Variants in PLCB1 observed in about 807,000 individuals in gnomAD.
PLCB1 encodes phospholipase C beta 1.
Under a neutral mutation model 161.8 loss-of-function variants are expected in PLCB1, and 46 were observed. The ratio of observed to expected loss-of-function variants is 0.28; its 90% CI spans 0.22 to 0.36. The LOEUF is 0.36. Ranked by LOEUF, PLCB1 falls within the 10% of genes least tolerant of loss-of-function variation. The probability of loss-of-function intolerance (pLI) is 1.00; values close to 1 mark genes in which losing one functional copy is unlikely to be tolerated. For synonymous variants in PLCB1, 517 were observed against 503.7 expected, an observed-to-expected ratio of 1.03 and a Z score of -0.35; for missense variants, 1,016 against 1,472.5, an observed-to-expected ratio of 0.69 and a Z score of 5.07.
intron 2 of PLCB1, among the ~76,000 whole-genome samples, chr20:8,343,495 C>G (rs1441439710): frequency 1.3e-5 from 2 of 152,100 alleles, no homozygotes; most frequent in Non-Finnish European, 2.9e-5. Flanking sequence ...TTGTAGTAGC[C>G]CGTGACTTCT....
intron 3 of PLCB1, among the ~76,000 whole-genome samples, chr20:8,513,332 A>G (rs770986848): frequency 1.3e-5 from 2 of 152,342 alleles, no homozygotes; most frequent in East Asian, 3.9e-4. Flanking sequence ...TACATGTGTT[A>G]TGCAGTAATG....
At chr20:8,628,264 G>C in intron 3 of PLCB1, 30 bp from the exon 4 acceptor site, 1 of 1,559,802 alleles carries the variant, frequency 6.4e-7, no homozygotes, top group Non-Finnish European at 8.8e-7. Context: ...TCTAGTTATA[G>C]ACTAATTATT....
At chr20:8,805,985 G>C (rs1984519505) in intron 31 of PLCB1, among the ~76,000 whole-genome samples, 1 of 152,098 alleles carries the variant, frequency 6.6e-6, no homozygotes, top group Non-Finnish European at 1.5e-5. Context: ...TGTTTCATTT[G>C]CTGGTGGCAT....
At position 8,424,107 on chromosome 20, in the gene PLCB1, G is replaced by A. The variant is rs78941262; in HGVS notation, c.246+52657G>A. 2.6e-3 allele frequency among the ~76,000 whole-genome samples: 399 copies of A among 152,160 alleles called. 2 individuals are homozygous for A. The highest frequency in any genetic ancestry group is 9.1e-3 in the African/African-American group (378 of 41,500). On this transcript the variant is annotated intron_variant, in intron 3 of 31. Transcript: ENST00000338037. The stretch of plus-strand genomic sequence containing the variant: ...CTTATTGGCCTTGGTAGGCCTACAG[G>A]TTATTCTCAAAAACCTGACACACAC...
At chr20:8,332,573 C>T (rs934175929) in intron 2 of PLCB1, among the ~76,000 whole-genome samples, 2 of 152,050 alleles carry the variant, frequency 1.3e-5, no homozygotes, top group African/African-American at 4.8e-5. Flanking sequence ...TATGATTATC[C>T]CTAGATGAGA....
intron 3 of PLCB1, among the ~76,000 whole-genome samples, chr20:8,559,212 A>G (rs1986062333): frequency 6.6e-6 from 1 of 151,978 alleles, no homozygotes; most frequent in African/African-American, 2.4e-5. Context: ...TATGGAGAAT[A>G]TAAGAGCAAA....
chr20:8,209,870 CT>C (rs1307265524), intron 2 of PLCB1, among the ~76,000 whole-genome samples: 1 of 152,128 alleles, frequency 6.6e-6, no homozygotes, highest in East Asian at 1.9e-4. Context: ...ATTTTACTCA[CT>C]CTGTTACCCA....
At chr20:8,426,929 T>C (rs754044816) in intron 3 of PLCB1, among the ~76,000 whole-genome samples, 3 of 152,176 alleles carry the variant, frequency 2.0e-5, no homozygotes, top group Non-Finnish European at 4.4e-5. Flanking sequence ...ATTATTATTA[T>C]TACTTTGAGA....
chr20:8,580,651 G>C (rs989070956), intron 3 of PLCB1, among the ~76,000 whole-genome samples: 1 of 152,202 alleles, frequency 6.6e-6, no homozygotes, highest in Non-Finnish European at 1.5e-5. Context: ...CACAACTACT[G>C]GGTGCTAGGC....
Position 8,676,113 on chromosome 20 carries a change from C to T in PLCB1, c.863-8819C>T, listed in dbSNP as rs190229598. 6.0e-3 allele frequency among the ~76,000 whole-genome samples: 911 copies of T among 152,346 alleles called. 6 individuals carry two copies. The highest frequency in any genetic ancestry group is 9.8e-3 in the Non-Finnish European group (664 of 68,038). On this transcript the variant is annotated intron_variant, in intron 9 of 31. Coordinates refer to ENST00000338037, the MANE Select transcript of PLCB1 (RefSeq NM_015192.4). ...GGCCGGGCGCGGCGGCTCCCGCCTG[C>T]GATGCCAACACTTTGGGAGGCTTAA... is the stretch of plus-strand genomic sequence containing the variant.
rs959473626 is a variant in PLCB1, at chr20:8,500,134, A to C, written c.247-128160A>C. Among the ~76,000 whole-genome samples the C allele has an allele frequency of 5.3e-5, 8 of 152,222 alleles. No homozygotes were observed. The East Asian group carries it at 1.5e-3, about 29-fold the overall frequency. ...CCAGTATTTTAGTGATTTGTTTAGCAGATTATTAATTTAGGTAAAGGTCAT... is the reference window on the plus strand; with the variant it reads ...CCAGTATTTTAGTGATTTGTTTAGCCGATTATTAATTTAGGTAAAGGTCAT... On this transcript the variant is annotated intron_variant, in intron 3 of 31. Transcript: ENST00000338037.
intron 3 of PLCB1, among the ~76,000 whole-genome samples, chr20:8,395,823 A>G (rs1200619902): frequency 6.6e-6 from 1 of 152,002 alleles, no homozygotes; most frequent in Non-Finnish European, 1.5e-5. Context: ...CCATTTTAAA[A>G]AAAAAACAAA....
intron 3 of PLCB1, among the ~76,000 whole-genome samples, chr20:8,559,050 A>G (rs539825624): frequency 6.6e-6 from 1 of 151,968 alleles, no homozygotes; most frequent in East Asian, 1.9e-4. Flanking sequence ...AAAAAGGCCT[A>G]TTTTATTGTA....
At chr20:8,361,715 T>G (rs1986548778) in intron 2 of PLCB1, among the ~76,000 whole-genome samples, 1 of 152,178 alleles carries the variant, frequency 6.6e-6, no homozygotes, top group Non-Finnish European at 1.5e-5. Context: ...AAAACTTGGC[T>G]GGCTGTTCAG....
rs1017967850 is a variant in PLCB1 at position 8,653,978 on chromosome 20, A to G, written c.595-3206A>G. On this transcript the variant is annotated intron_variant, in intron 7 of 31. Transcript: ENST00000338037. ...GGATTACATGAAAATATTCAAGTAA[A>G]GCTCATAGAACTATGTTTGATATAC... 2.0e-5 allele frequency among the ~76,000 whole-genome samples: 3 copies of G among 152,236 alleles called. No individual in the cohort carries two copies. The East Asian group carries it at 5.8e-4, about 29-fold the overall frequency.
At chr20:8,875,410 G>A (rs1158447378) in intron 31 of PLCB1, among the ~76,000 whole-genome samples, 1 of 146,504 alleles carries the variant, frequency 6.8e-6, no homozygotes, top group Non-Finnish European at 1.5e-5. Flanking sequence ...ACTATACGTA[G>A]TATATATAAT....
intron 31 of PLCB1, among the ~76,000 whole-genome samples, chr20:8,796,163 T>G (rs1261582925): frequency 6.6e-6 from 1 of 152,154 alleles, no homozygotes; most frequent in Non-Finnish European, 1.5e-5. Context: ...CCGGGAAGCT[T>G]TAGGGCATTT....
intron 3 of PLCB1, among the ~76,000 whole-genome samples, chr20:8,533,902 A>G (rs6118237): frequency 6.6e-6 from 1 of 151,980 alleles, no homozygotes; most frequent in East Asian, 1.9e-4. Flanking sequence ...TCTTTTGTTG[A>G]CATTGCTTTT....
intron 9 of PLCB1, among the ~76,000 whole-genome samples, chr20:8,664,906 C>A (rs983609977): frequency 3.9e-5 from 6 of 152,128 alleles, no homozygotes; most frequent in African/African-American, 1.4e-4. Context: ...GAATCCAGGG[C>A]ATGGCTTCGG....
Sources: allele counts gnomAD v4.1 joint callset (sites outside exome capture counted in the v4.1 genomes callset), GRCh38; gene constraint gnomAD v4.1.1; transcripts MANE v1.5; gene names NCBI Gene and HGNC (gene_info 2026-07-23, HGNC 2026-07-21).